Variants in ZNF469 observed in about 807,000 individuals in gnomAD.
ZNF469 encodes zinc finger protein 469.
ZNF469 carries 1 observed loss-of-function variant against 1.0 expected under a neutral mutation model. The ratio of observed to expected loss-of-function variants is 1.00; its 90% confidence interval spans 0.35 to 4.73. The LOEUF is 4.73. ZNF469 is among the 30% of genes most tolerant of loss of function. The pLI is 0.16. For missense variants in ZNF469, 6,100 were observed against 5,356.3 expected (o/e 1.14, Z -4.33); for synonymous variants, 2,703 against 2,363.4 (o/e 1.14, Z -4.17).
the ZNF469 span, among the ~76,000 whole-genome samples, chr16:88,173,996 TAATC>T: frequency 1.3e-5 from 2 of 152,060 alleles, no homozygotes; most frequent in African/African-American, 2.4e-5. Context: ...AAATCAAACA[TAATC>T]AATAATTACA....
the ZNF469 span, among the ~76,000 whole-genome samples, chr16:88,325,927 A>G: frequency 2.6e-5 from 4 of 152,302 alleles, no homozygotes; most frequent in South Asian, 8.3e-4. Context: ...CAGCTTCCTC[A>G]GCTGTACACT....
rs1438352502 is a variant in ZNF469 at position 88,435,330 on chromosome 16, C to A, written c.7860C>A (p.Thr2620=). The change falls in exon 3 of 3, where the codon ACC becomes ACA. Residue 2620 remains threonine, a synonymous_variant. Transcript: ENST00000565624. ...REGRRWRREP[T]VDSPSHSEGK... The stretch of plus-strand genomic sequence containing the variant: ...GCCGGAGGTGGCGCCGAGAGCCCAC[C>A]GTGGACTCTCCTAGCCACTCAGAGG... 1 of 1,550,328 alleles carries A rather than the reference C, an allele frequency of 6.5e-7. No homozygotes were observed. The highest frequency in any genetic ancestry group is 8.7e-7 in the Non-Finnish European group (1 of 1,146,976).
rs766216457 is a variant in ZNF469 at position 88,437,340 on chromosome 16, C to A, written c.9870C>A (p.Ser3290Arg). Residue 3290 changes from serine to arginine, a missense_variant, in exon 3 of 3, where the codon AGC becomes AGA. Ser to Arg is a moderately radical substitution (Grantham distance 110). Coordinates refer to ENST00000565624, the MANE Select transcript of ZNF469 (RefSeq NM_001367624.2). Reference protein sequence around the residue: ...SNPDGAATPDSASATALADAG... With the variant: ...SNPDGAATPDRASATALADAG... ...CAGACGGGGCCGCGACCCCAGACAG[C>A]GCCTCTGCCACCGCCCTGGCTGACG... 2 of 1,545,292 alleles carry A rather than the reference C, an allele frequency of 1.3e-6. No homozygotes were observed. Among genetic ancestry groups the A allele is most frequent in the Non-Finnish European group, 1.7e-6 (2 of 1,144,616 alleles).
At chr16:88,183,220 G>T in the ZNF469 span, among the ~76,000 whole-genome samples, 1 of 152,212 alleles carries the variant, frequency 6.6e-6, no homozygotes, top group East Asian at 1.9e-4. Context: ...CGTTGCTGGC[G>T]GGGGTGGAAA....
the ZNF469 span, among the ~76,000 whole-genome samples, chr16:88,297,302 C>T: frequency 6.6e-6 from 1 of 152,190 alleles, no homozygotes; most frequent in Non-Finnish European, 1.5e-5. Context: ...CAAAGAGGTT[C>T]CGTTGCTCAG....
chr16:88,377,403 G>A, the ZNF469 span, among the ~76,000 whole-genome samples: 6 of 152,212 alleles, frequency 3.9e-5, no homozygotes, highest in African/African-American at 9.6e-5. Context: ...TGTGTGAGCC[G>A]GTGTGTATGG....
the ZNF469 span, among the ~76,000 whole-genome samples, chr16:88,319,816 G>A: frequency 6.6e-6 from 1 of 152,216 alleles, no homozygotes; most frequent in African/African-American, 2.4e-5. Flanking sequence ...CCCTACAGGT[G>A]GGACCCTGAC....
the ZNF469 span, among the ~76,000 whole-genome samples, chr16:88,306,361 C>T: frequency 6.6e-6 from 1 of 152,250 alleles, no homozygotes; most frequent in East Asian, 1.9e-4. Context: ...TGTGTGAGGG[C>T]TGGAGCTCTC....
Position 88,428,755 on chromosome 16 carries a change from GC to G in ZNF469, c.1289del (p.Pro430GlnfsTer72), listed in dbSNP as rs1169806962. 1.3e-6 allele frequency: 2 copies of G among 1,545,372 alleles called. No homozygotes were observed. The highest frequency in any genetic ancestry group is 8.7e-7 in the Non-Finnish European group (1 of 1,145,896). ...SPGPPDTELAAPGPPPARLPQ... is the reference protein window; with the variant it reads ...SPGPPDTELAXPGPPPARLPQ... ...GGGGCCTCCGGACACCGAGCTGGCC[GC>G]CCCAGGGCCCCCACCCGCCAGGCTG... On this transcript the variant is annotated frameshift_variant, in exon 3 of 3. Coordinates refer to ENST00000565624, the MANE Select transcript of ZNF469 (RefSeq NM_001367624.2). LOFTEE classifies it low-confidence loss of function (END_TRUNC).
the ZNF469 span, among the ~76,000 whole-genome samples, chr16:88,183,861 T>A: frequency 2.6e-5 from 4 of 151,622 alleles, no homozygotes; most frequent in Admixed American, 2.6e-4. Context: ...CCTTGCCCGG[T>A]GGGTGGGACA....
Position 88,432,539 on chromosome 16 carries a change from C to G in ZNF469, c.5069C>G (p.Ala1690Gly). 1 of 1,550,392 alleles carries G rather than the reference C, an allele frequency of 6.4e-7. No homozygotes were observed. Among genetic ancestry groups the G allele is most frequent in the South Asian group, 1.2e-5 (1 of 84,068 alleles). ...VSGAPFSPRG[A>G]NFHFQPVQKA... ...GGGGCTCCTTTCAGCCCCAGGGGAG[C>G]CAACTTCCATTTTCAGCCAGTGCAG... Residue 1690 changes from alanine (A) to glycine (G), a missense_variant, in exon 3 of 3, where the codon GCC becomes GGC. Ala to Gly is a moderately conservative substitution (Grantham distance 60, BLOSUM62 0). Transcript: ENST00000565624.
the ZNF469 span, among the ~76,000 whole-genome samples, chr16:88,126,906 G>T: frequency 1.3e-5 from 2 of 151,980 alleles, no homozygotes; most frequent in Non-Finnish European, 2.9e-5. Context: ...TGCAACCTCT[G>T]TCCCCCGGGT....
the ZNF469 span, among the ~76,000 whole-genome samples, chr16:88,247,017 G>A: frequency 1.3e-5 from 2 of 150,746 alleles, no homozygotes; most frequent in African/African-American, 5.0e-5. Context: ...GTGAATCAAT[G>A]AGTGAGTGAA....
chr16:88,248,359 C>T, the ZNF469 span, among the ~76,000 whole-genome samples: 7 of 152,198 alleles, frequency 4.6e-5, no homozygotes, highest in Non-Finnish European at 1.0e-4. Context: ...TGTGAGCAGA[C>T]ATTCGGGGAC....
the ZNF469 span, among the ~76,000 whole-genome samples, chr16:88,375,214 CCA>C: frequency 6.6e-6 from 1 of 152,218 alleles, no homozygotes; most frequent in African/African-American, 2.4e-5. Flanking sequence ...CCAAGAGCAG[CCA>C]CAGAGTTCAC....
At chr16:88,327,803 G>T in the ZNF469 span, among the ~76,000 whole-genome samples, 2 of 152,236 alleles carry the variant, frequency 1.3e-5, no homozygotes, top group Non-Finnish European at 2.9e-5. Context: ...CAGTGTGGTC[G>T]GAGCTGACTA....
chr16:88,428,486 A>C lies in ZNF469; in HGVS notation c.1016A>C (p.Gln339Pro). ...GCGCCCTCACCCCTGCCCTGCTACC[A>C]GGGCCAGCCAGGTGGCCTGAACCGC... ...QPAPSPLPCY[Q>P]GQPGGLNRHS... The change falls in exon 3 of 3, where the codon CAG becomes CCG. Residue 339 changes from glutamine (Q) to proline (P), a missense_variant. Transcript: ENST00000565624. 6.5e-7 allele frequency: 1 copy of C among 1,549,466 alleles called. No homozygotes were observed.
the ZNF469 span, among the ~76,000 whole-genome samples, chr16:88,132,894 A>G: frequency 6.6e-6 from 1 of 152,336 alleles, no homozygotes; most frequent in East Asian, 1.9e-4. Flanking sequence ...TGCACAGAGC[A>G]GCTGCCTTGG....
At chr16:88,299,956 C>A in the ZNF469 span, among the ~76,000 whole-genome samples, 2 of 152,188 alleles carry the variant, frequency 1.3e-5, no homozygotes, top group East Asian at 3.9e-4. Context: ...GGCATCACCA[C>A]GGCCCCTCTG....
Sources: gnomAD v4.1 joint callset for allele counts (sites outside exome capture counted in the v4.1 genomes callset) on GRCh38, gnomAD v4.1.1 for gene constraint, MANE v1.5 for transcripts, NCBI Gene and HGNC (gene_info 2026-07-23, HGNC 2026-07-21) for gene names.